The following ZIM2 variants were observed in gnomAD, a reference collection of about 807,000 sequenced individuals.
ZIM2 encodes zinc finger protein 656.
In ZIM2, 14 loss-of-function variants were observed where a neutral mutation model predicts 38.6. The observed-to-expected ratio is 0.36, with a 90% CI of 0.24 to 0.57. ZIM2 has a LOEUF of 0.57. Ranked by LOEUF, ZIM2 falls within the 20% of genes least tolerant of loss-of-function variation. The pLI, the probability that ZIM2 is intolerant of heterozygous loss-of-function variation, is 0.81. For synonymous variants in ZIM2, 247 were observed against 245.8 expected (o/e 1.00, Z -0.04); for missense variants, 680 against 695.1 (o/e 0.98, Z 0.24).
intron 9 of ZIM2, 64 bp downstream of exon 9, chr19:56,817,682 A>G (rs1030074501): frequency 1.3e-6 from 2 of 1,551,032 alleles, no homozygotes; most frequent in Admixed American, 1.7e-5. Context: ...TGCAAAGTGT[A>G]GAAGTTCCTT....
chr19:56,836,047 A>G lies in ZIM2; in HGVS notation c.-256T>C. ...ACCCAGCCACCTAGCGTTTGGACCT[A>G]GTCCCTCTTCCTCTCGCCAGTCGTC... On this transcript the variant is annotated 5_prime_UTR_variant, in exon 2 of 13. Coordinates refer to ENST00000629319, the MANE Select transcript of ZIM2 (RefSeq NM_001387356.1). The G allele has an allele frequency of 2.0e-6, 1 of 510,728 alleles. No homozygotes were observed. 31.6% of individuals were successfully genotyped at this position (510,728 alleles called of 1,614,324 possible). A position where few individuals can be genotyped will look rare whatever the true frequency, so the allele number is the denominator to read the frequency against.
intron 9 of ZIM2, chr19:56,816,705 A>G: frequency 6.2e-7 from 1 of 1,614,134 alleles, no homozygotes; most frequent in Non-Finnish European, 8.5e-7. Flanking sequence ...TCTGGTGCTC[A>G]ATCAGGGCAG....
At chr19:56,808,164 T>C (rs762444328) in intron 9 of ZIM2, among the ~76,000 whole-genome samples, 16 of 152,222 alleles carry the variant, frequency 1.1e-4, no homozygotes, top group Middle Eastern at 3.4e-3. Flanking sequence ...GGGGCAGGGA[T>C]GGTGATCAGA....
intron 5 of ZIM2, among the ~76,000 whole-genome samples, chr19:56,823,124 C>T (rs538101662): frequency 3.4e-4 from 52 of 152,306 alleles, no homozygotes; most frequent in Non-Finnish European, 6.9e-4. Context: ...TTCCCAGTTC[C>T]TAAGGGGCTG....
In ZIM2 at chr19:56,814,780, G is replaced by C; in HGVS notation, c.490+2966C>G. The C allele has an allele frequency of 6.2e-7, 1 of 1,614,134 alleles. No individual in the cohort carries two copies. Among genetic ancestry groups the C allele is most frequent in the Non-Finnish European group, 8.5e-7 (1 of 1,180,040 alleles). ...CAAAAGGCATCGAATGGCCGACCCA[G>C]CAAGAGCAGGATTCCTCTCTGCAGC... On this transcript the variant is annotated intron_variant, in intron 9 of 12. Coordinates refer to ENST00000629319, the MANE Select transcript of ZIM2 (RefSeq NM_001387356.1). The surrounding 1 kb of genome is among the most constrained non-coding windows in gnomAD (Gnocchi z 5.8).
chr19:56,777,052 G>A (rs1167780803), intron 12 of ZIM2, among the ~76,000 whole-genome samples: 1 of 152,120 alleles, frequency 6.6e-6, no homozygotes, highest in African/African-American at 2.4e-5. Flanking sequence ...GCTTTATAAA[G>A]GCAACTCTCT....
chr19:56,790,627 AGTG>A (rs2046882080), intron 9 of ZIM2, among the ~76,000 whole-genome samples: 1 of 152,248 alleles, frequency 6.6e-6, no homozygotes, highest in South Asian at 2.1e-4. Flanking sequence ...GCACATGAGT[AGTG>A]ATGCTAACCT....
At chr19:56,779,314 GCT>G (rs1434722276) in intron 12 of ZIM2, 61 bp downstream of exon 12, 9 of 1,567,842 alleles carry the variant, frequency 5.7e-6, no homozygotes, top group African/African-American at 4.1e-5. Flanking sequence ...TTTGAGGAAA[GCT>G]CTCTGACTAG....
At chr19:56,824,686 C>A in intron 3 of ZIM2, 2 of 1,572,746 alleles carry the variant, frequency 1.3e-6, no homozygotes, top group South Asian at 1.2e-5. Context: ...CTGGAGGAAC[C>A]AAACATGAGT....
chr19:56,815,219 TGTGGGTCTCCTCCCC>T, intron 9 of ZIM2: 1 of 1,613,968 alleles, frequency 6.2e-7, no homozygotes, highest in Non-Finnish European at 8.5e-7. Context: ...GTCTCCTCGC[TGTGGGTCTCCTCCCC>T]ATCAGTATTC....
At chr19:56,780,618 A>C (rs1392218916) in intron 11 of ZIM2, among the ~76,000 whole-genome samples, 9 of 152,240 alleles carry the variant, frequency 5.9e-5, no homozygotes, top group South Asian at 2.1e-4. Flanking sequence ...CACACACACA[A>C]AAATGGAAGG....
At chr19:56,812,101 C>T (rs1275631727) in intron 9 of ZIM2, 34 of 976,506 alleles carry the variant, frequency 3.5e-5, no homozygotes, top group Non-Finnish European at 4.0e-5. Context: ...TCTACACTTA[C>T]ATTTTGCAAA....
In ZIM2 at chr19:56,823,304, C is replaced by T. The variant is rs370600147; in HGVS notation, c.106+286G>A. ...CACTGAAGCATCTTTAATGAACCTT[C>T]CTGAGGAGGCTGGGGGTACAGCTGG... On this transcript the variant is annotated intron_variant, in intron 5 of 12. Coordinates refer to ENST00000629319, the MANE Select transcript of ZIM2 (RefSeq NM_001387356.1). Among the ~76,000 whole-genome samples the T allele has an allele frequency of 9.8e-5, 15 of 152,356 alleles. No individual in the cohort carries two copies. The East Asian group carries it at 2.9e-3, about 29-fold the overall frequency.
At chr19:56,828,793 A>C (rs1157222955) in intron 2 of ZIM2, among the ~76,000 whole-genome samples, 1 of 152,254 alleles carries the variant, frequency 6.6e-6, no homozygotes, top group African/African-American at 2.4e-5. Flanking sequence ...CCGGTTACTT[A>C]ACATCAAAAA....
Position 56,832,558 on chromosome 19 carries a change from C to G in ZIM2, c.-227+3460G>C, listed in dbSNP as rs566902635. ...TAAAGCTTCCATATCTCCCTCTGCT[C>G]TCTCTTCAGAGCAGGACTCAGTGTT... On this transcript the variant is annotated intron_variant, in intron 2 of 12. Coordinates refer to ENST00000629319, the MANE Select transcript of ZIM2 (RefSeq NM_001387356.1). Among the ~76,000 whole-genome samples, 16 of 152,348 alleles carry G rather than the reference C, an allele frequency of 1.1e-4. 1 individual carries two copies. The East Asian group carries it at 2.9e-3, about 28-fold the overall frequency.
chr19:56,837,101 C>T (rs570026628), intron 1 of ZIM2, among the ~76,000 whole-genome samples: 1 of 151,918 alleles, frequency 6.6e-6, no homozygotes, highest in Admixed American at 6.6e-5. Flanking sequence ...GGAGCCAGGG[C>T]TAGGTAAGTG....
chr19:56,835,986 A>G (rs772343113), intron 2 of ZIM2, 32 bp downstream of exon 2: 1 of 505,900 alleles, frequency 2.0e-6, no homozygotes, highest in East Asian at 5.6e-5. Flanking sequence ...CCAAAGATGA[A>G]TGTGGCACTG....
chr19:56,827,566 T>A (rs1246098818), intron 2 of ZIM2, among the ~76,000 whole-genome samples: 1 of 152,234 alleles, frequency 6.6e-6, no homozygotes, highest in African/African-American at 2.4e-5. Context: ...ACTCATATAC[T>A]GCCTGTGGCA....
intron 10 of ZIM2, among the ~76,000 whole-genome samples, chr19:56,784,797 A>C (rs1366354628): frequency 1.3e-5 from 2 of 152,222 alleles, no homozygotes; most frequent in Non-Finnish European, 2.9e-5. Context: ...ACACTCTAAA[A>C]TTTTATAATA....
Sources: allele counts gnomAD v4.1 joint callset (sites outside exome capture counted in the v4.1 genomes callset), GRCh38; gene constraint gnomAD v4.1.1; non-coding constraint Gnocchi (gnomAD v3.1); transcripts MANE v1.5; gene names NCBI Gene and HGNC (gene_info 2026-07-23, HGNC 2026-07-21).